The following FKBP11 variants were observed in gnomAD, a reference collection of about 807,000 sequenced individuals.
FKBP11 encodes the protein FKBP prolyl isomerase 11.
FKBP11 carries 21 observed loss-of-function variants against 24.7 expected under a neutral mutation model. That is an observed-to-expected ratio of 0.85 (90% confidence interval 0.60 to 1.23). FKBP11 has a LOEUF of 1.23. Among genes scored for constraint, FKBP11 ranks in the 50% most tolerant of loss-of-function variants. FKBP11 has a pLI of 0.00. For synonymous variants in FKBP11, 106 were observed against 100.6 expected (o/e 1.05, Z -0.32); for missense variants, 245 against 248.7 (o/e 0.99, Z 0.10).
chr12:48,928,133 C>T (rs1940004076), upstream of FKBP11, among the ~76,000 whole-genome samples: 1 of 145,520 alleles, frequency 6.9e-6, no homozygotes, highest in South Asian at 2.2e-4. Context: ...CAACCTCTGC[C>T]TCCTGGGCTC....
upstream of FKBP11, among the ~76,000 whole-genome samples, chr12:48,928,348 CT>C (rs79932575): frequency 2.4e-4 from 34 of 142,918 alleles, no homozygotes; most frequent in East Asian, 1.4e-3. Flanking sequence ...CCCAGCTCAC[CT>C]TTTTTTTTTT....
the FKBP11 span, among the ~76,000 whole-genome samples, chr12:48,932,113 C>G: frequency 6.8e-6 from 1 of 147,144 alleles, no homozygotes; most frequent in Non-Finnish European, 1.5e-5. Context: ...GAGTTTGAAA[C>G]CAGCTTGGGC....
At chr12:48,924,036 G>T in intron 4 of FKBP11, 184 bp from the exon 5 acceptor site, 1 of 884,462 alleles carries the variant, frequency 1.1e-6, no homozygotes, top group South Asian at 1.4e-5. Flanking sequence ...CAACTCCCCC[G>T]ACAAAAGCAA....
chr12:48,923,427 G>A (rs1939880761), intron 5 of FKBP11: 2 of 1,523,854 alleles, frequency 1.3e-6, no homozygotes, highest in Non-Finnish European at 1.8e-6. Flanking sequence ...GGGGTGGGGG[G>A]TGGCTGTACA....
the FKBP11 span, chr12:48,938,559 AG>A: frequency 4.1e-4 from 187 of 457,994 alleles, 1 homozygote; most frequent in African/African-American, 3.5e-3. Flanking sequence ...AAAGGCAAAC[AG>A]GGAGTAGAAG....
intron 5 of FKBP11, chr12:48,923,423 G>C: frequency 6.6e-7 from 1 of 1,520,854 alleles, no homozygotes; most frequent in South Asian, 1.2e-5. Flanking sequence ...GGAAGGGGTG[G>C]GGGGTGGCTG....
At chr12:48,935,030 A>G in the FKBP11 span, among the ~76,000 whole-genome samples, 47 of 151,432 alleles carry the variant, frequency 3.1e-4, no homozygotes, top group Non-Finnish European at 6.3e-4. Context: ...AAAAAAAAAA[A>G]AAAAAAAAAG....
At chr12:48,932,138 C>T in the FKBP11 span, among the ~76,000 whole-genome samples, 1 of 139,850 alleles carries the variant, frequency 7.2e-6, no homozygotes, top group East Asian at 2.1e-4. Context: ...TAGTGAAATC[C>T]CATCTCTATT....
At chr12:48,938,644 C>A in the FKBP11 span, 6 of 434,406 alleles carry the variant, frequency 1.4e-5, no homozygotes, top group Non-Finnish European at 2.7e-5. Flanking sequence ...GAATACCCCA[C>A]TCGACCTCCC....
the FKBP11 span, chr12:48,938,435 C>T: frequency 4.4e-6 from 2 of 454,160 alleles, no homozygotes; most frequent in Admixed American, 4.7e-5. Flanking sequence ...TCCCCGCTCC[C>T]CCCGGCCCCC....
chr12:48,934,173 C>G, the FKBP11 span, among the ~76,000 whole-genome samples: 7 of 152,178 alleles, frequency 4.6e-5, no homozygotes, highest in East Asian at 7.7e-4. Flanking sequence ...ATCCCCAGAG[C>G]CTTTAGACCT....
upstream of FKBP11, among the ~76,000 whole-genome samples, chr12:48,928,960 C>CT (rs1281270459): frequency 6.6e-6 from 1 of 150,508 alleles, no homozygotes; most frequent in Non-Finnish European, 1.5e-5. Context: ...GTAGCTGGGA[C>CT]TACAGGCGCC....
chr12:48,935,491 A>C, the FKBP11 span, among the ~76,000 whole-genome samples: 8 of 152,182 alleles, frequency 5.3e-5, no homozygotes, highest in African/African-American at 1.7e-4. Context: ...CCCTAAAGGT[A>C]GCACCATCCC....
intron 4 of FKBP11, 59 bp downstream of exon 4, chr12:48,924,164 G>C: frequency 6.3e-7 from 1 of 1,595,818 alleles, no homozygotes; most frequent in South Asian, 1.1e-5. Context: ...GAGGATGGCC[G>C]AGAAAGCCTC....
At chr12:48,926,849 G>T (rs919940121), upstream of FKBP11, among the ~76,000 whole-genome samples, 4 of 151,754 alleles carry the variant, frequency 2.6e-5, no homozygotes, top group Admixed American at 1.3e-4. Context: ...CACTCTTGTC[G>T]CCCAGGCTGG....
chr12:48,923,122 TG>T, intron 5 of FKBP11: 1 of 1,088,286 alleles, frequency 9.2e-7, no homozygotes, highest in Non-Finnish European at 1.1e-6. Flanking sequence ...CACTCCAGCC[TG>T]GGCAACAAGA....
the FKBP11 span, chr12:48,931,749 C>A: frequency 2.3e-6 from 1 of 432,606 alleles, no homozygotes; most frequent in Non-Finnish European, 4.1e-6. Context: ...TATTATGTGC[C>A]AAAGAATAAG....
At chr12:48,922,236 T>C (rs1412271110) in intron 5 of FKBP11, 35 bp from the exon 6 acceptor site, 1 of 1,563,798 alleles carries the variant, frequency 6.4e-7, no homozygotes, top group South Asian at 1.1e-5. Context: ...GGTTAGACTC[T>C]CTGCATTTTA....
the FKBP11 span, chr12:48,938,152 G>C: frequency 5.9e-6 from 2 of 336,610 alleles, no homozygotes; most frequent in South Asian, 4.7e-5. Context: ...ATCTCCTTGG[G>C]AACAGTCATC....
Sources: gnomAD v4.1 joint callset for allele counts (sites outside exome capture counted in the v4.1 genomes callset) on GRCh38, gnomAD v4.1.1 for gene constraint, MANE v1.5 for transcripts, NCBI Gene and HGNC (gene_info 2026-07-23, HGNC 2026-07-21) for gene names.